Variants in SHANK2 observed in about 807,000 individuals in gnomAD.
SHANK2 encodes the protein SH3 and multiple ankyrin repeat domains protein 2.
Under a neutral mutation model 133.7 loss-of-function variants are expected in SHANK2, and 43 were observed. The ratio of observed to expected loss-of-function variants is 0.32; its 90% confidence interval spans 0.25 to 0.41. The LOEUF (loss-of-function observed/expected upper bound fraction) is 0.41. Among genes scored for constraint, SHANK2 ranks in the 10% least tolerant of loss-of-function variants. SHANK2 has a pLI of 1.00. For synonymous variants in SHANK2, 1,017 were observed against 952.8 expected (o/e 1.07, Z -1.24); for missense variants, 1,994 against 2,235.8 (o/e 0.89, Z 2.18).
At chr11:70,593,083 C>T (rs1410093831) in intron 17 of SHANK2, among the ~76,000 whole-genome samples, 6 of 152,220 alleles carry the variant, frequency 3.9e-5, no homozygotes, top group Admixed American at 2.6e-4. Context: ...TCGGGGAAGG[C>T]CTGTGGCTGC....
intron 15 of SHANK2, among the ~76,000 whole-genome samples, chr11:70,683,729 T>C (rs1225498433): frequency 1.3e-5 from 2 of 151,954 alleles, no homozygotes; most frequent in Non-Finnish European, 2.9e-5. Flanking sequence ...TCAATCTCTC[T>C]AATCTCTGCC....
intron 10 of SHANK2, among the ~76,000 whole-genome samples, chr11:70,917,170 A>G (rs1157799081): frequency 6.6e-6 from 1 of 152,218 alleles, no homozygotes; most frequent in Non-Finnish European, 1.5e-5. Flanking sequence ...TGCAAGAAAA[A>G]AACAAACAAC....
At chr11:70,549,763 C>T (rs1054411728) in intron 17 of SHANK2, among the ~76,000 whole-genome samples, 4 of 152,204 alleles carry the variant, frequency 2.6e-5, no homozygotes, top group African/African-American at 4.8e-5. Flanking sequence ...GAGACCTTTT[C>T]CACAGACAGT....
intron 4 of SHANK2, among the ~76,000 whole-genome samples, chr11:71,117,273 G>T (rs1423188206): frequency 6.6e-6 from 1 of 152,138 alleles, no homozygotes; most frequent in African/African-American, 2.4e-5. Flanking sequence ...ACCTTCCTCG[G>T]CCTCCCAAAG....
intron 10 of SHANK2, among the ~76,000 whole-genome samples, chr11:70,909,960 G>A (rs1321533822): frequency 6.6e-6 from 1 of 152,182 alleles, no homozygotes; most frequent in African/African-American, 2.4e-5. Context: ...TGGAGTCTGA[G>A]ATCAAGGCAT....
intron 14 of SHANK2, among the ~76,000 whole-genome samples, chr11:70,791,164 G>C (rs1255789444): frequency 6.6e-6 from 1 of 152,164 alleles, no homozygotes; most frequent in African/African-American, 2.4e-5. Context: ...TTAGAGTCTT[G>C]ACAAAAGCCA....
chr11:70,553,956 G>A (rs192107889), intron 17 of SHANK2, among the ~76,000 whole-genome samples: 16 of 152,340 alleles, frequency 1.1e-4, no homozygotes, highest in African/African-American at 3.8e-4. Context: ...CAGGCCTGGT[G>A]GACAGGAAGT....
At chr11:70,678,847 T>A (rs1398617328) in intron 15 of SHANK2, among the ~76,000 whole-genome samples, 3 of 152,078 alleles carry the variant, frequency 2.0e-5, no homozygotes, top group African/African-American at 7.2e-5. Flanking sequence ...AGCCCAGAAC[T>A]GGTATTTTTC....
At chr11:71,181,240 G>T (rs546600976) in intron 2 of SHANK2, among the ~76,000 whole-genome samples, 1 of 152,068 alleles carries the variant, frequency 6.6e-6, no homozygotes, top group South Asian at 2.1e-4. Flanking sequence ...TAATAAGGTA[G>T]CACTTGGATC....
intron 21 of SHANK2, chr11:70,497,055 G>T (rs111834880): frequency 4.4e-6 from 2 of 456,582 alleles, no homozygotes; most frequent in Non-Finnish European, 8.8e-6. Flanking sequence ...GCAGCCGGGC[G>T]TGTTGGGGTG....
At chr11:70,899,731 G>A (rs937536907) in intron 10 of SHANK2, among the ~76,000 whole-genome samples, 1 of 152,222 alleles carries the variant, frequency 6.6e-6, no homozygotes, top group Non-Finnish European at 1.5e-5. Flanking sequence ...CCAGGTCCCT[G>A]ATGGTTGTGC....
At chr11:70,810,903 C>G (rs1372561679) in intron 12 of SHANK2, among the ~76,000 whole-genome samples, 2 of 152,346 alleles carry the variant, frequency 1.3e-5, no homozygotes, top group Admixed American at 6.5e-5. Flanking sequence ...TCTCAACCCC[C>G]TCTCCTGGCC....
At position 70,745,479 on chromosome 11, in the gene SHANK2, T is replaced by C. The variant is rs1946619810; in HGVS notation, c.1778-46716A>G. On this transcript the variant is annotated intron_variant, in intron 14 of 25. Coordinates refer to ENST00000601538, the MANE Select transcript of SHANK2 (RefSeq NM_012309.5). ...GCCTCCGTCCCCTCCTCCTGCTGCC[T>C]TGAAAACACAGTCTTGGCTGTGTCC... Among the ~76,000 whole-genome samples the C allele has an allele frequency of 3.9e-5, 6 of 152,208 alleles. No individual in the cohort carries two copies. In the South Asian group the frequency reaches 1.2e-3, roughly 32 times the overall value.
At chr11:70,915,346 C>T (rs1004667057) in intron 10 of SHANK2, among the ~76,000 whole-genome samples, 8 of 152,214 alleles carry the variant, frequency 5.3e-5, no homozygotes, top group South Asian at 2.1e-4. Context: ...TACACGCTGG[C>T]GCCTAACATT....
chr11:70,843,663 G>A (rs1471327403), intron 11 of SHANK2, among the ~76,000 whole-genome samples: 2 of 151,844 alleles, frequency 1.3e-5, no homozygotes, highest in East Asian at 2.0e-4. Context: ...CCAGCCCTGC[G>A]ACACCTTGAT....
At chr11:70,671,410 G>A (rs1415580931) in intron 15 of SHANK2, among the ~76,000 whole-genome samples, 1 of 152,204 alleles carries the variant, frequency 6.6e-6, no homozygotes, top group Non-Finnish European at 1.5e-5. Context: ...ATCCTCACTT[G>A]ACGACTACAG....
At chr11:71,204,399 C>A (rs1555117667) in intron 2 of SHANK2, among the ~76,000 whole-genome samples, 1 of 152,118 alleles carries the variant, frequency 6.6e-6, no homozygotes, top group Non-Finnish European at 1.5e-5. Flanking sequence ...CCCAGCGCAC[C>A]TCCCATCTGC....
At position 70,763,689 on chromosome 11, in the gene SHANK2, T is replaced by A. The variant is rs114676702; in HGVS notation, c.1777+34754A>T. ...CCTGTTGGGCCATATGGATGCCCGA[T>A]GCATAATGGTCTGCAGCTGACTGCA... On this transcript the variant is annotated intron_variant, in intron 14 of 25. Coordinates refer to ENST00000601538, the MANE Select transcript of SHANK2 (RefSeq NM_012309.5). Among the ~76,000 whole-genome samples the A allele has an allele frequency of 5.8e-3, 883 of 152,270 alleles. 4 individuals carry two copies. The highest frequency in any genetic ancestry group is 0.02 in the African/African-American group (848 of 41,554).
At chr11:71,141,991 A>G (rs1381482398) in intron 3 of SHANK2, among the ~76,000 whole-genome samples, 3 of 152,118 alleles carry the variant, frequency 2.0e-5, no homozygotes, top group Admixed American at 1.3e-4. Flanking sequence ...ACTCACCACA[A>G]TTAAAAGAAG....
Sources: gnomAD v4.1 joint callset for allele counts (sites outside exome capture counted in the v4.1 genomes callset) on GRCh38, gnomAD v4.1.1 for gene constraint, MANE v1.5 for transcripts, NCBI Gene and HGNC (gene_info 2026-07-23, HGNC 2026-07-21) for gene names.